Variants in TAF11 observed in about 807,000 individuals in gnomAD.
TAF11 encodes the protein TATA-box binding protein associated factor 11.
In TAF11, 10 loss-of-function variants were observed where a neutral mutation model predicts 23.0. The observed-to-expected ratio is 0.43, with a 90% CI of 0.27 to 0.74. TAF11 has a LOEUF of 0.74. Ranked by LOEUF, TAF11 falls within the 30% of genes least tolerant of loss-of-function variation. The pLI is 0.19. For missense variants in TAF11, 196 were observed against 261.7 expected, an observed-to-expected ratio of 0.75 and a Z score of 1.73; for synonymous variants, 85 against 95.8, an observed-to-expected ratio of 0.89 and a Z score of 0.66.
At position 34,888,019 on chromosome 6, in the gene TAF11, C is replaced by T; in HGVS notation, c.-62G>A. ...ATGCCTGAGGCAGAAGCTCGGAAAC[C>T]CGAGCTGCACAGGCCAGGATCTTAC... On this transcript the variant is annotated 5_prime_UTR_variant, in exon 1 of 5. Coordinates refer to ENST00000361288, the MANE Select transcript of TAF11 (RefSeq NM_005643.4). The T allele has an allele frequency of 6.2e-7, 1 of 1,603,712 alleles. No individual in the cohort carries two copies. Among genetic ancestry groups the T allele is most frequent in the Non-Finnish European group, 8.5e-7 (1 of 1,175,106 alleles).
Position 34,878,538 on chromosome 6 carries a change from TC to T in TAF11, c.*51del. 1.0e-6 allele frequency: 1 copy of T among 986,214 alleles called. No individual in the cohort carries two copies. Among genetic ancestry groups the T allele is most frequent in the South Asian group, 1.3e-5 (1 of 78,388 alleles). 61.1% of individuals were successfully genotyped at this position (986,214 alleles called of 1,614,324 possible). ...CCAATGCAGACAGTCTTATAGGAAGTCTGGAACCAATACTTCTTCCGTCAGT... is the reference window on the plus strand; with the variant it reads ...CCAATGCAGACAGTCTTATAGGAAGTTGGAACCAATACTTCTTCCGTCAGT... On this transcript the variant is annotated 3_prime_UTR_variant, in exon 5 of 5. Coordinates refer to ENST00000361288, the MANE Select transcript of TAF11 (RefSeq NM_005643.4).
chr6:34,879,843 C>A, intron 4 of TAF11, 124 bp downstream of exon 4: 1 of 1,459,756 alleles, frequency 6.9e-7, no homozygotes, highest in East Asian at 2.5e-5. Flanking sequence ...GGGCTCCCCA[C>A]TTGGTCAACT....
At chr6:34,887,731 G>C in intron 1 of TAF11, 56 bp downstream of exon 1, 1 of 1,605,810 alleles carries the variant, frequency 6.2e-7, no homozygotes, top group East Asian at 2.2e-5. Flanking sequence ...CCGGCGAGCA[G>C]CCAGTAACAC....
intron 1 of TAF11, among the ~76,000 whole-genome samples, chr6:34,886,644 T>C (rs555292944): frequency 6.6e-6 from 1 of 151,982 alleles, no homozygotes; most frequent in East Asian, 2.0e-4. Flanking sequence ...TTTTGTATTT[T>C]TAGTAGAGAC....
intron 4 of TAF11, chr6:34,879,497 T>G (rs1371181723): frequency 3.1e-6 from 3 of 975,200 alleles, no homozygotes; most frequent in South Asian, 9.5e-5. Context: ...AATTTAAAAG[T>G]ATATATCTCC....
At chr6:34,887,588 C>T (rs1322354390) in intron 1 of TAF11, among the ~76,000 whole-genome samples, 199 bp downstream of exon 1, 2 of 152,136 alleles carry the variant, frequency 1.3e-5, no homozygotes, top group Non-Finnish European at 2.9e-5. Flanking sequence ...ATTAACAGTG[C>T]TTGAGCCTCT....
intron 1 of TAF11, among the ~76,000 whole-genome samples, chr6:34,886,423 T>C (rs538806712): frequency 2.6e-5 from 4 of 152,130 alleles, no homozygotes; most frequent in African/African-American, 9.6e-5. Flanking sequence ...AAAACCTGCC[T>C]TAAAATACTT....
chr6:34,878,706 C>T lies in TAF11; in HGVS notation c.520G>A (p.Glu174Lys). ...EVVEEALDVC[E>K]KWGEMPPLQP... is the part of the protein sequence containing the mutation. ...AGTGGTGGCATTTCTCCCCACTTCT[C>T]ACACACATCCAGTGCTAAACAGAGG... The change falls in exon 5 of 5, where the codon GAG becomes AAG. Residue 174 changes from glutamate to lysine, a missense_variant. Coordinates refer to ENST00000361288, the MANE Select transcript of TAF11 (RefSeq NM_005643.4). The T allele has an allele frequency of 2.5e-6, 4 of 1,614,068 alleles. No individual in the cohort carries two copies. Among genetic ancestry groups the T allele is most frequent in the Non-Finnish European group, 3.4e-6 (4 of 1,179,958 alleles).
chr6:34,886,655 G>A (rs1766533376), intron 1 of TAF11, among the ~76,000 whole-genome samples: 1 of 151,648 alleles, frequency 6.6e-6, no homozygotes, highest in Admixed American at 6.6e-5. Flanking sequence ...TAGTAGAGAC[G>A]GGGTTTCGCC....
Position 34,886,199 on chromosome 6 carries a change from G to A in TAF11, c.171+1588C>T, listed in dbSNP as rs1416659611. On this transcript the variant is annotated intron_variant, in intron 1 of 4. Transcript: ENST00000361288. ...GCATGCCTGCAGTCCCAGTTACTGG[G>A]GAGGCTGGGATAAGAGGATTGCTTG... 4.0e-5 allele frequency among the ~76,000 whole-genome samples: 6 copies of A among 151,852 alleles called. No individual in the cohort carries two copies. In the East Asian group the frequency reaches 1.2e-3, roughly 30 times the overall value.
intron 1 of TAF11, among the ~76,000 whole-genome samples, chr6:34,884,373 A>G (rs4646930): frequency 0.37 from 56,762 of 152,016 alleles, 15,614 homozygotes; most frequent in African/African-American, 0.77. Flanking sequence ...ATGACAGCAC[A>G]CGGACACATA....
intron 2 of TAF11, among the ~76,000 whole-genome samples, chr6:34,882,669 A>C (rs79218606): frequency 7.9e-5 from 12 of 151,384 alleles, no homozygotes; most frequent in Admixed American, 4.0e-4. Context: ...AAAAAAAAAA[A>C]CATAACATAA....
At chr6:34,879,532 C>T (rs2127431578) in intron 4 of TAF11, 1 of 982,056 alleles carries the variant, frequency 1.0e-6, no homozygotes, top group Admixed American at 6.2e-5. Flanking sequence ...AAAAAAATTT[C>T]ACCAGCTAGA....
At chr6:34,882,298 A>G (rs1008938849) in intron 2 of TAF11, among the ~76,000 whole-genome samples, 8 of 150,086 alleles carry the variant, frequency 5.3e-5, no homozygotes, top group African/African-American at 2.0e-4. Flanking sequence ...AGATTGCACC[A>G]CCGCACTCCA....
intron 2 of TAF11, among the ~76,000 whole-genome samples, chr6:34,881,821 C>T (rs904784774): frequency 2.5e-4 from 38 of 151,604 alleles, no homozygotes; most frequent in African/African-American, 8.7e-4. Context: ...CTCAGCCTCC[C>T]GAGTAGCTGG....
rs1235836440 is a variant in TAF11, at chr6:34,878,363, A to T, written c.*227T>A. ...CTTCTTCCAACTGGTCAAGACAGTT[A>T]AATACTTCAAAATGCCCCAAGAGGT... On this transcript the variant is annotated 3_prime_UTR_variant, in exon 5 of 5. Coordinates refer to ENST00000361288, the MANE Select transcript of TAF11 (RefSeq NM_005643.4). 10 of 524,352 alleles carry T rather than the reference A, an allele frequency of 1.9e-5. No homozygotes were observed. The East Asian group carries it at 3.0e-4, about 16-fold the overall frequency. 32.5% of individuals were successfully genotyped at this position (524,352 alleles called of 1,614,324 possible). A position where few individuals can be genotyped will look rare whatever the true frequency, so the allele number is the denominator to read the frequency against.
At position 34,879,963 on chromosome 6, in the gene TAF11, T is replaced by A; in HGVS notation, c.505+4A>T. The A allele has an allele frequency of 6.2e-7, 1 of 1,613,086 alleles. No individual in the cohort carries two copies. Reference sequence around the variant, plus strand: ...ATCCAGTATTTGTAACCAACACTACTCACCTTCTTCTACCACCTCCCCGAC... The same window carrying A: ...ATCCAGTATTTGTAACCAACACTACACACCTTCTTCTACCACCTCCCCGAC... On this transcript the variant is annotated splice_donor_region_variant and intron_variant, in intron 4 of 4. Coordinates refer to ENST00000361288, the MANE Select transcript of TAF11 (RefSeq NM_005643.4).
At position 34,882,912 on chromosome 6, in the gene TAF11, A is replaced by C; in HGVS notation, c.320+20T>G. The C allele has an allele frequency of 1.9e-6, 3 of 1,573,018 alleles. No homozygotes were observed. Among genetic ancestry groups the C allele is most frequent in the Non-Finnish European group, 2.6e-6 (3 of 1,163,868 alleles). The stretch of plus-strand genomic sequence containing the variant: ...TCAAGTGAGAGCCTCGAAATGGGGA[A>C]TGATAAGAAAGTGACTTACTGCATC... On this transcript the variant is annotated intron_variant, in intron 2 of 4. Transcript: ENST00000361288.
intron 4 of TAF11, 102 bp from the exon 5 acceptor site, chr6:34,878,822 C>G: frequency 9.7e-7 from 1 of 1,033,290 alleles, no homozygotes; most frequent in Non-Finnish European, 1.4e-6. Context: ...CTTAAGCTTG[C>G]TAAGGAAATA....
Sources: gnomAD v4.1 joint callset for allele counts (sites outside exome capture counted in the v4.1 genomes callset) on GRCh38, gnomAD v4.1.1 for gene constraint, MANE v1.5 for transcripts, NCBI Gene and HGNC (gene_info 2026-07-23, HGNC 2026-07-21) for gene names.